Variants in CYTH1 observed in about 807,000 individuals in gnomAD.
CYTH1 encodes the protein cytohesin 1, also known as cytohesin-1.
Under a neutral mutation model 61.8 loss-of-function variants are expected in CYTH1, and 18 were observed. The observed-to-expected ratio is 0.29, with a 90% CI of 0.20 to 0.43. CYTH1 has a LOEUF of 0.43. CYTH1 is among the 20% of genes least tolerant of loss of function. CYTH1 has a pLI of 1.00. For missense variants in CYTH1, 336 were observed against 510.5 expected (o/e 0.66, Z 3.29); for synonymous variants, 174 against 184.3 (o/e 0.94, Z 0.45).
At chr17:78,781,693 G>A (rs150500237) in intron 1 of CYTH1, among the ~76,000 whole-genome samples, 2 of 152,196 alleles carry the variant, frequency 1.3e-5, no homozygotes, top group East Asian at 3.9e-4. Context: ...GAGAGCGGCC[G>A]GAAACTGCGG....
intron 1 of CYTH1, among the ~76,000 whole-genome samples, chr17:78,720,173 A>C (rs948187190): frequency 3.3e-5 from 5 of 152,160 alleles, no homozygotes; most frequent in African/African-American, 1.2e-4. Context: ...ACTGGATTGC[A>C]CAATAATATG....
intron 1 of CYTH1, among the ~76,000 whole-genome samples, chr17:78,765,188 GA>G (rs2093443658): frequency 6.6e-6 from 1 of 152,072 alleles, no homozygotes; most frequent in Admixed American, 6.5e-5. Context: ...GGGTCCCAAG[GA>G]ACAGGAGCAG....
In CYTH1 at chr17:78,698,292, C is replaced by A; in HGVS notation, c.788G>T (p.Arg263Leu). ...ACCGAGTTTCAATAGCCAGCCTTCTCGGTCTGGATTGAAGAAAGTGTGAGT... is the reference window on the plus strand; with the variant it reads ...ACCGAGTTTCAATAGCCAGCCTTCTAGGTCTGGATTGAAGAAAGTGTGAGT... ...DLTHTFFNPDREGWLLKLGGG... is the reference protein window; with the variant it reads ...DLTHTFFNPDLEGWLLKLGGG... The change falls in exon 9 of 14, where the codon CGA becomes CTA. Residue 263 changes from arginine to leucine, a missense_variant. By Grantham distance (102) the Arg-to-Leu change is moderately radical. Transcript: ENST00000446868. 1.2e-6 allele frequency: 2 copies of A among 1,613,350 alleles called. No individual in the cohort carries two copies. The highest frequency in any genetic ancestry group is 1.7e-6 in the Non-Finnish European group (2 of 1,179,824).
intron 9 of CYTH1, among the ~76,000 whole-genome samples, chr17:78,697,119 T>C (rs147124844): frequency 1.8e-4 from 27 of 152,190 alleles, no homozygotes; most frequent in African/African-American, 4.8e-4. Flanking sequence ...AAATATAAAG[T>C]CTACTGCTAT....
rs1336440583 is a variant in CYTH1 at position 78,700,982 on chromosome 17, G to T, written c.438-539C>A. Among the ~76,000 whole-genome samples the T allele has an allele frequency of 6.6e-6, 1 of 152,134 alleles. No homozygotes were observed. Among genetic ancestry groups the T allele is most frequent in the African/African-American group, 2.4e-5 (1 of 41,422 alleles). The stretch of plus-strand genomic sequence containing the variant: ...CTTAGGAAAAAGTGAAAAATTAGGA[G>T]GGAAACAATCCCTACTGAGGAGTGG... On this transcript the variant is annotated intron_variant, in intron 6 of 13. Transcript: ENST00000446868. The surrounding 1 kb of genome is among the most constrained non-coding windows in gnomAD (Gnocchi z 5.1).
At chr17:78,772,932 C>T (rs2093477364) in intron 1 of CYTH1, among the ~76,000 whole-genome samples, 1 of 152,112 alleles carries the variant, frequency 6.6e-6, no homozygotes, top group Non-Finnish European at 1.5e-5. Context: ...CAGGTTCAAG[C>T]GATTCTAGTG....
intron 1 of CYTH1, among the ~76,000 whole-genome samples, chr17:78,727,093 C>G (rs577661732): frequency 1.3e-5 from 2 of 152,300 alleles, no homozygotes; most frequent in East Asian, 3.9e-4. Flanking sequence ...AAATGAGGCA[C>G]AAGGAATACA....
chr17:78,689,222 G>A (rs941159586), intron 11 of CYTH1, among the ~76,000 whole-genome samples: 3 of 152,118 alleles, frequency 2.0e-5, no homozygotes, highest in Non-Finnish European at 4.4e-5. Context: ...GCCACCAGAG[G>A]CAGGCTAATT....
chr17:78,734,431 GC>G (rs2093310582), intron 1 of CYTH1, among the ~76,000 whole-genome samples: 2 of 91,296 alleles, frequency 2.2e-5, no homozygotes, highest in African/African-American at 4.1e-5. Context: ...GTAAAAAAAA[GC>G]TTTTTTTTTT....
intron 1 of CYTH1, among the ~76,000 whole-genome samples, chr17:78,762,593 G>A (rs1050832183): frequency 6.6e-6 from 1 of 152,186 alleles, no homozygotes; most frequent in East Asian, 1.9e-4. Context: ...CATGGCAAAA[G>A]GGGATTAAGA....
intron 1 of CYTH1, among the ~76,000 whole-genome samples, chr17:78,757,739 C>T (rs936958360): frequency 6.6e-6 from 1 of 151,534 alleles, no homozygotes; most frequent in Non-Finnish European, 1.5e-5. Context: ...AAGACCAGTC[C>T]GGCCAACATG....
intron 1 of CYTH1, among the ~76,000 whole-genome samples, chr17:78,711,273 T>A (rs1209118413): frequency 8.1e-6 from 1 of 124,108 alleles, no homozygotes; most frequent in Non-Finnish European, 1.7e-5. Context: ...AATAAATAAA[T>A]AAATAAATAA....
chr17:78,761,520 C>T (rs539575405), intron 1 of CYTH1, among the ~76,000 whole-genome samples: 26 of 152,274 alleles, frequency 1.7e-4, no homozygotes, highest in African/African-American at 3.8e-4. Flanking sequence ...GGGCGGATCA[C>T]GAGATCAGGA....
chr17:78,739,329 G>A (rs1203476862), intron 1 of CYTH1, among the ~76,000 whole-genome samples: 1 of 152,236 alleles, frequency 6.6e-6, no homozygotes, highest in Non-Finnish European at 1.5e-5. Flanking sequence ...GGACTAAAGA[G>A]ACAAAATGCC....
intron 1 of CYTH1, among the ~76,000 whole-genome samples, chr17:78,722,954 G>C (rs143439603): frequency 6.6e-6 from 1 of 152,026 alleles, no homozygotes; most frequent in Non-Finnish European, 1.5e-5. Flanking sequence ...CTGGACCAAG[G>C]AAATTGACTA....
At chr17:78,698,688 T>G (rs1048808228) in intron 8 of CYTH1, 132 bp downstream of exon 8, 1 of 1,153,090 alleles carries the variant, frequency 8.7e-7, no homozygotes, top group African/African-American at 1.6e-5. Flanking sequence ...TTAATGAAAT[T>G]CACATGGTTA....
chr17:78,726,185 A>G (rs779047164), intron 1 of CYTH1, among the ~76,000 whole-genome samples: 2 of 151,848 alleles, frequency 1.3e-5, no homozygotes, highest in Non-Finnish European at 2.9e-5. Flanking sequence ...CTGGGACTAC[A>G]GGCACCCGCT....
intron 12 of CYTH1, 146 bp downstream of exon 12, chr17:78,680,824 TC>T (rs2092753274): frequency 1.2e-6 from 1 of 819,922 alleles, no homozygotes; most frequent in African/African-American, 1.7e-5. Flanking sequence ...TCGAGTCTCA[TC>T]TTTGGCTTGA....
At chr17:78,708,572 C>T (rs1214434260) in intron 2 of CYTH1, among the ~76,000 whole-genome samples, 1 of 152,206 alleles carries the variant, frequency 6.6e-6, no homozygotes, top group Non-Finnish European at 1.5e-5. Flanking sequence ...GCTGCCTCAT[C>T]ACAATCTTTC....
Sources: gnomAD v4.1 joint callset for allele counts (sites outside exome capture counted in the v4.1 genomes callset) on GRCh38, gnomAD v4.1.1 for gene constraint, Gnocchi (gnomAD v3.1) non-coding constraint, MANE v1.5 for transcripts, NCBI Gene and HGNC (gene_info 2026-07-23, HGNC 2026-07-21) for gene names.